The following BAZ1A variants were observed in gnomAD, a reference collection of about 807,000 sequenced individuals.
BAZ1A encodes the protein bromodomain adjacent to zinc finger domain 1A.
BAZ1A carries 50 observed loss-of-function variants against 185.2 expected under a neutral mutation model. That is an observed-to-expected ratio of 0.27 (90% CI 0.22 to 0.34). The LOEUF is 0.34. BAZ1A is among the 10% of genes least tolerant of loss of function. The pLI is 1.00. For synonymous variants in BAZ1A, 571 were observed against 615.6 expected, an observed-to-expected ratio of 0.93 and a Z score of 1.07; for missense variants, 1,356 against 1,839.9, an observed-to-expected ratio of 0.74 and a Z score of 4.81.
At chr14:34,853,211 T>C (rs2042623598) in intron 3 of BAZ1A, among the ~76,000 whole-genome samples, 1 of 152,232 alleles carries the variant, frequency 6.6e-6, no homozygotes, top group Admixed American at 6.5e-5. Flanking sequence ...AGACTTCTCC[T>C]GTAGGCTCTA....
At position 34,762,154 on chromosome 14, in the gene BAZ1A, G is replaced by A; in HGVS notation, c.3846C>T (p.Phe1282=). The A allele has an allele frequency of 6.2e-7, 1 of 1,614,210 alleles. No homozygotes were observed. Among genetic ancestry groups the A allele is most frequent in the Non-Finnish European group, 8.5e-7 (1 of 1,180,038 alleles). ...GTTCTTGTTGTTGGCCACGACTTGAGAAAGAAGAGCTAAGTTTCCCTCTTG... is the reference window on the plus strand; with the variant it reads ...GTTCTTGTTGTTGGCCACGACTTGAAAAAGAAGAGCTAAGTTTCCCTCTTG... ...VKTRGKLSSS[F]SSRGQQQEPG... is the part of the protein sequence containing the mutation. Residue 1282 remains phenylalanine (F), a synonymous_variant, in exon 24 of 27, where the codon TTC becomes TTT. Transcript: ENST00000360310.
Position 34,753,722 on chromosome 14 carries a change from C to A in BAZ1A, c.4475-18G>T. On this transcript the variant is annotated intron_variant, in intron 26 of 26. Transcript: ENST00000360310. ...AAACTCAGCTAGAAAGGGAAAGAGA[C>A]AAAAAGATTAGAATGAAAGTACATA... The A allele has an allele frequency of 2.6e-6, 4 of 1,521,796 alleles. No individual in the cohort carries two copies. The highest frequency in any genetic ancestry group is 2.3e-5 in the East Asian group (1 of 43,170). 94.3% of individuals were successfully genotyped at this position (1,521,796 alleles called of 1,614,324 possible). A position where few individuals can be genotyped will look rare whatever the true frequency, so the allele number is the denominator to read the frequency against.
chr14:34,781,171 A>G (rs555619531), intron 16 of BAZ1A, among the ~76,000 whole-genome samples: 158 of 152,376 alleles, frequency 1.0e-3, no homozygotes, highest in African/African-American at 3.7e-3. Context: ...AAGGACAGCC[A>G]AGGAAAATGT....
chr14:34,808,286 G>A (rs973965335), intron 5 of BAZ1A, among the ~76,000 whole-genome samples: 1 of 151,956 alleles, frequency 6.6e-6, no homozygotes, highest in Non-Finnish European at 1.5e-5. Flanking sequence ...TTGAGGTCAG[G>A]AGTTCGAGAC....
At chr14:34,757,746 T>C (rs930882721) in intron 25 of BAZ1A, among the ~76,000 whole-genome samples, 62 of 132,810 alleles carry the variant, frequency 4.7e-4, no homozygotes, top group African/African-American at 1.5e-3. Flanking sequence ...TGTTTTCTTT[T>C]TTTTTTTTTT....
intron 17 of BAZ1A, among the ~76,000 whole-genome samples, chr14:34,778,557 G>C (rs750804481): frequency 1.6e-4 from 25 of 152,200 alleles, no homozygotes; most frequent in Non-Finnish European, 3.5e-4. Flanking sequence ...AAGGATTTTA[G>C]TACTGATTCA....
intron 11 of BAZ1A, among the ~76,000 whole-genome samples, chr14:34,793,156 CA>C (rs989239202): frequency 1.3e-5 from 2 of 152,106 alleles, no homozygotes; most frequent in African/African-American, 4.8e-5. Flanking sequence ...AAAATAGCCT[CA>C]ATAGATCAAC....
chr14:34,865,443 A>C (rs1455074239), intron 2 of BAZ1A, among the ~76,000 whole-genome samples: 1 of 152,150 alleles, frequency 6.6e-6, no homozygotes, highest in Non-Finnish European at 1.5e-5. Context: ...TCATTCTAAA[A>C]GTACTTAAAC....
At chr14:34,789,147 T>C (rs1880685391) in intron 12 of BAZ1A, among the ~76,000 whole-genome samples, 1 of 152,188 alleles carries the variant, frequency 6.6e-6, no homozygotes, top group African/African-American at 2.4e-5. Flanking sequence ...TCATTTTACA[T>C]ATAAAGCCAA....
At chr14:34,845,636 G>A (rs1010305832) in intron 3 of BAZ1A, among the ~76,000 whole-genome samples, 6 of 151,964 alleles carry the variant, frequency 3.9e-5, no homozygotes, top group Admixed American at 6.6e-5. Context: ...CGAGGTGGGC[G>A]GATCACGAGG....
chr14:34,861,848 G>A (rs2042774090), intron 3 of BAZ1A, among the ~76,000 whole-genome samples, 196 bp downstream of exon 3: 1 of 152,146 alleles, frequency 6.6e-6, no homozygotes, highest in Non-Finnish European at 1.5e-5. Flanking sequence ...GCACGTATAT[G>A]TTTTTGGTGG....
intron 6 of BAZ1A, among the ~76,000 whole-genome samples, chr14:34,806,000 T>C (rs980610938): frequency 1.3e-5 from 2 of 151,936 alleles, no homozygotes; most frequent in African/African-American, 4.8e-5. Context: ...CTCAATCTCA[T>C]CCTTGGTATT....
In BAZ1A at chr14:34,756,464, CTA is replaced by C. The variant is rs202056944; in HGVS notation, c.4387-1552_4387-1551del. Among the ~76,000 whole-genome samples the C allele has an allele frequency of 3.6e-4, 39 of 107,162 alleles. 2 individuals carry two copies. The highest frequency in any genetic ancestry group is 6.1e-4 in the Admixed American group (6 of 9,856). The allele number at this position is 107,162 out of a possible 152,430, so 70.3% of individuals were successfully genotyped here. On this transcript the variant is annotated intron_variant, in intron 25 of 26. Transcript: ENST00000360310. ...GACACACTGCACCCAGCCAGAATAC[CTA>C]TTTTTTTTTTTTTTTTTTTTTTTTT...
At chr14:34,830,487 G>C (rs139760862) in intron 3 of BAZ1A, among the ~76,000 whole-genome samples, 34 of 147,830 alleles carry the variant, frequency 2.3e-4, no homozygotes, top group Non-Finnish European at 4.3e-4. Flanking sequence ...AGAGAAGATA[G>C]ACAAAGTAGG....
chr14:34,761,613 A>C (rs1886524222), intron 24 of BAZ1A, 144 bp downstream of exon 24: 3 of 674,938 alleles, frequency 4.4e-6, no homozygotes, highest in Non-Finnish European at 7.5e-6. Context: ...TTCAATGACT[A>C]TTATGCTTCA....
chr14:34,802,529 C>T (rs1594855925), intron 7 of BAZ1A, among the ~76,000 whole-genome samples: 1 of 152,192 alleles, frequency 6.6e-6, no homozygotes, highest in East Asian at 1.9e-4. Flanking sequence ...TAGCTTCTTC[C>T]TGTCAGAATT....
chr14:34,795,390 A>C (rs929362057), intron 10 of BAZ1A, among the ~76,000 whole-genome samples: 5 of 152,260 alleles, frequency 3.3e-5, no homozygotes, highest in African/African-American at 9.6e-5. Context: ...CCTAGCAATC[A>C]AGCTAAATGC....
At position 34,753,315 on chromosome 14, in the gene BAZ1A, A is replaced by G; in HGVS notation, c.*193T>C. 1.7e-6 allele frequency: 1 copy of G among 584,992 alleles called. No homozygotes were observed. The highest frequency in any genetic ancestry group is 3.0e-6 in the Non-Finnish European group (1 of 336,628). 36.2% of individuals were successfully genotyped at this position (584,992 alleles called of 1,614,324 possible). On this transcript the variant is annotated 3_prime_UTR_variant, in exon 27 of 27. Transcript: ENST00000360310. ...CCAATACATCTATCAAACTTATTAGATACTGAACAAAACTGTAGCAAAGGA... is the reference window on the plus strand; with the variant it reads ...CCAATACATCTATCAAACTTATTAGGTACTGAACAAAACTGTAGCAAAGGA...
intron 6 of BAZ1A, among the ~76,000 whole-genome samples, chr14:34,804,732 G>T (rs1420385505): frequency 6.6e-6 from 1 of 152,148 alleles, no homozygotes; most frequent in East Asian, 1.9e-4. Flanking sequence ...TAAAGCACAT[G>T]GGTGGTTTCT....
Sources: gnomAD v4.1 joint callset for allele counts (sites outside exome capture counted in the v4.1 genomes callset) on GRCh38, gnomAD v4.1.1 for gene constraint, MANE v1.5 for transcripts, NCBI Gene and HGNC (gene_info 2026-07-23, HGNC 2026-07-21) for gene names.